B4GALT1: variants seen among roughly 807,000 people sequenced by gnomAD.
B4GALT1 encodes the protein beta-1,4-galactosyltransferase 1, also known as N-acetyllactosamine synthase.
In B4GALT1, 16 loss-of-function variants were observed where a neutral mutation model predicts 34.9. That is an observed-to-expected ratio of 0.46 (90% CI 0.31 to 0.70). The LOEUF is 0.70. Ranked by LOEUF, B4GALT1 falls within the 30% of genes least tolerant of loss-of-function variation. B4GALT1 has a pLI of 0.05. For missense variants in B4GALT1, 445 were observed against 530.5 expected (o/e 0.84, Z 1.58); for synonymous variants, 221 against 218.1 (o/e 1.01, Z -0.12).
the B4GALT1 span, chr9:33,177,353 G>GTTTTAGATT: frequency 2.0e-5 from 3 of 152,080 alleles, no homozygotes; most frequent in Non-Finnish European, 4.4e-5. Flanking sequence ...AATGTTATAT[G>GTTTTAGATT]TTTTAGATTT....
At chr9:33,167,339 C>G (rs1468920544), upstream of B4GALT1, 1 of 872,872 alleles carries the variant, frequency 1.1e-6, no homozygotes, top group African/African-American at 1.8e-5. Flanking sequence ...CTGGGAGCGG[C>G]GAGAAGCCGC....
chr9:33,113,555 T>A lies in B4GALT1; in HGVS notation c.1096A>T (p.Met366Leu), dbSNP rs377678566. The A allele has an allele frequency of 5.7e-5, 92 of 1,614,084 alleles. No individual in the cohort carries two copies. Among genetic ancestry groups the A allele is most frequent in the Non-Finnish European group, 7.5e-5 (89 of 1,180,046 alleles). ...AGTGAGTTCAAACCATCAGAGAGCA[T>A]TGTCTCCTTTGTGTGTGCAATTCGG... ...FDRIAHTKET[M>L]LSDGLNSLTY... The change falls in exon 6 of 6, where the codon ATG becomes TTG. Residue 366 changes from methionine to leucine, a missense_variant. Met to Leu is a conservative substitution (Grantham distance 15, BLOSUM62 2). This residue lies in a region of B4GALT1 where 89 missense variants were observed against 107.6 expected (regional missense o/e 0.83). Coordinates refer to ENST00000379731, the MANE Select transcript of B4GALT1 (RefSeq NM_001497.4).
chr9:33,160,937 A>G (rs1294855533), intron 1 of B4GALT1, among the ~76,000 whole-genome samples: 7 of 152,128 alleles, frequency 4.6e-5, no homozygotes, highest in African/African-American at 1.7e-4. Context: ...TTTAAAATGA[A>G]GGAAGAGATT....
the B4GALT1 span, among the ~76,000 whole-genome samples, chr9:33,177,837 G>T: frequency 1.3e-5 from 2 of 152,124 alleles, no homozygotes; most frequent in Non-Finnish European, 2.9e-5. Context: ...GGTGCTAGTT[G>T]CCAACTGGGA....
intron 1 of B4GALT1, among the ~76,000 whole-genome samples, chr9:33,159,215 T>C (rs1001292160): frequency 1.3e-5 from 2 of 152,222 alleles, no homozygotes; most frequent in Non-Finnish European, 2.9e-5. Context: ...AAAAGGCCAT[T>C]ATGCAAAACA....
chr9:33,169,703 G>A (rs912208822), upstream of B4GALT1, among the ~76,000 whole-genome samples: 5 of 151,664 alleles, frequency 3.3e-5, no homozygotes, highest in Admixed American at 6.6e-5. Flanking sequence ...TGTGTTTTTA[G>A]TAGAGACGGA....
At chr9:33,177,049 T>C in the B4GALT1 span, among the ~76,000 whole-genome samples, 16,034 of 152,192 alleles carry the variant, frequency 0.11, 940 homozygotes, top group African/African-American at 0.15. Context: ...TTTTTCTGGC[T>C]GTATATAATG....
At chr9:33,123,784 C>T (rs1334704175) in intron 2 of B4GALT1, among the ~76,000 whole-genome samples, 2 of 152,180 alleles carry the variant, frequency 1.3e-5, no homozygotes, top group African/African-American at 4.8e-5. Flanking sequence ...CCTCTGCAGC[C>T]AAGGCCCATG....
intron 2 of B4GALT1, among the ~76,000 whole-genome samples, chr9:33,131,212 G>A (rs1037532039): frequency 1.3e-5 from 2 of 152,184 alleles, no homozygotes; most frequent in African/African-American, 4.8e-5. Context: ...CACTAAACCT[G>A]GAGTCAGACG....
intron 1 of B4GALT1, among the ~76,000 whole-genome samples, chr9:33,152,371 A>T (rs3065242): frequency 0.14 from 9,664 of 68,602 alleles, 517 homozygotes; most frequent in Middle Eastern, 0.24. Context: ...TAACATAACA[A>T]CTTCTACATA....
intron 1 of B4GALT1, among the ~76,000 whole-genome samples, chr9:33,142,943 G>A (rs766802364): frequency 6.6e-6 from 1 of 152,078 alleles, no homozygotes; most frequent in Non-Finnish European, 1.5e-5. Context: ...TCAGGAGTTC[G>A]AGACCAGCCT....
chr9:33,129,411 T>C (rs995177054), intron 2 of B4GALT1, among the ~76,000 whole-genome samples: 3 of 152,218 alleles, frequency 2.0e-5, no homozygotes, highest in African/African-American at 7.2e-5. Flanking sequence ...GGAGGGATCC[T>C]GCAAGTTCCC....
intron 2 of B4GALT1, among the ~76,000 whole-genome samples, chr9:33,122,590 C>A (rs754930795): frequency 1.3e-5 from 2 of 152,154 alleles, no homozygotes; most frequent in Non-Finnish European, 2.9e-5. Flanking sequence ...ACAGAATGCA[C>A]AGATGTGCCA....
upstream of B4GALT1, among the ~76,000 whole-genome samples, chr9:33,168,176 A>G (rs1840800430): frequency 6.6e-6 from 1 of 152,220 alleles, no homozygotes; most frequent in Non-Finnish European, 1.5e-5. Context: ...GCCCCGGCAG[A>G]TTAAGAAACT....
chr9:33,175,912 A>G, the B4GALT1 span, among the ~76,000 whole-genome samples: 7 of 152,190 alleles, frequency 4.6e-5, no homozygotes, highest in Admixed American at 3.3e-4. Context: ...TTTGTACTAA[A>G]CTCGCAACTT....
intron 2 of B4GALT1, among the ~76,000 whole-genome samples, chr9:33,130,488 G>A (rs13298273): frequency 0.089 from 10,982 of 123,704 alleles, 558 homozygotes; most frequent in Middle Eastern, 0.14. Context: ...GAGACCTTAA[G>A]GAAAAAGAGC....
intron 1 of B4GALT1, among the ~76,000 whole-genome samples, chr9:33,158,311 A>G (rs1009112594): frequency 6.6e-6 from 1 of 152,218 alleles, no homozygotes; most frequent in Non-Finnish European, 1.5e-5. Flanking sequence ...AGCAGCCTTC[A>G]AGGCTTGCTC....
intron 1 of B4GALT1, among the ~76,000 whole-genome samples, chr9:33,153,772 G>A (rs1195382851): frequency 6.6e-6 from 1 of 151,738 alleles, no homozygotes; most frequent in East Asian, 1.9e-4. Context: ...AACGCTACCA[G>A]ATATTTAAAG....
the B4GALT1 span, among the ~76,000 whole-genome samples, chr9:33,184,353 G>A: frequency 1.3e-5 from 2 of 151,758 alleles, no homozygotes; most frequent in Non-Finnish European, 2.9e-5. Context: ...GGGGGTCTGA[G>A]AACATATACC....
Sources: allele counts gnomAD v4.1 joint callset (sites outside exome capture counted in the v4.1 genomes callset), GRCh38; gene constraint gnomAD v4.1.1; regional missense constraint gnomAD v4.1.1; transcripts MANE v1.5; gene names NCBI Gene and HGNC (gene_info 2026-07-23, HGNC 2026-07-21).